Variants in SURF1 observed in about 807,000 individuals in gnomAD.
The protein encoded by SURF1 is surfeit locus protein 1.
Under a neutral mutation model 34.1 loss-of-function variants are expected in SURF1, and 45 were observed. The ratio of observed to expected loss-of-function variants is 1.32; its 90% confidence interval spans 1.04 to 1.69. The LOEUF is 1.69. Ranked by LOEUF, SURF1 falls within the 40% of genes most tolerant of loss-of-function variation. The pLI is 0.00. For synonymous variants in SURF1, 188 were observed against 147.5 expected, an observed-to-expected ratio of 1.27 and a Z score of -1.99; for missense variants, 456 against 384.6, an observed-to-expected ratio of 1.19 and a Z score of -1.55.
In SURF1 at chr9:133,352,680, T is replaced by G; in HGVS notation, c.588+14A>C. 6.2e-7 allele frequency: 1 copy of G among 1,613,616 alleles called. No individual in the cohort carries two copies. The highest frequency in any genetic ancestry group is 8.5e-7 in the Non-Finnish European group (1 of 1,179,876). Reference sequence around the variant, plus strand: ...AGAGCCTTCTCTAAAGTAGGAAGAGTCCATGTCCCTTACCTGGCCTTTCTG... The same window carrying G: ...AGAGCCTTCTCTAAAGTAGGAAGAGGCCATGTCCCTTACCTGGCCTTTCTG... On this transcript the variant is annotated intron_variant, in intron 6 of 8. Coordinates refer to ENST00000371974, the MANE Select transcript of SURF1 (RefSeq NM_003172.4).
Position 133,354,815 on chromosome 9 carries a change from G to A in SURF1, c.240+9C>T, listed in dbSNP as rs2130018887. 141 of 1,613,620 alleles carry A rather than the reference G, an allele frequency of 8.7e-5. No individual in the cohort carries two copies. Among genetic ancestry groups the A allele is most frequent in the South Asian group, 7.1e-4 (65 of 91,074 alleles). ...CCCAGAGTTACGCACACCAGATGCC[G>A]GTCTTTACCTGCCATGTCCCCAAGC... On this transcript the variant is annotated intron_variant, in intron 3 of 8. Transcript: ENST00000371974.
intron 4 of SURF1, 106 bp downstream of exon 4, chr9:133,354,553 C>T: frequency 7.6e-7 from 1 of 1,317,750 alleles, no homozygotes; most frequent in Non-Finnish European, 1.1e-6. Context: ...GAGGTCAAGG[C>T]AGTGACTAAA....
At chr9:133,354,264 T>C in intron 4 of SURF1, 1 of 499,788 alleles carries the variant, frequency 2.0e-6, no homozygotes, top group South Asian at 2.1e-5. Flanking sequence ...TGAATATACC[T>C]ATCTCTGTAG....
chr9:133,356,106 T>G lies in SURF1; in HGVS notation c.106+163A>C, dbSNP rs1001790829. ...TACATGCCCGGCACACGACCACAATTCCACTGAAAGCATTTTAATACGGAA... is the reference window on the plus strand; with the variant it reads ...TACATGCCCGGCACACGACCACAATGCCACTGAAAGCATTTTAATACGGAA... On this transcript the variant is annotated intron_variant, in intron 2 of 8. Transcript: ENST00000371974. The G allele has an allele frequency of 2.7e-5, 26 of 962,852 alleles. No individual in the cohort carries two copies. In the African/African-American group the frequency reaches 4.3e-4, roughly 16 times the overall value. 59.6% of individuals were successfully genotyped at this position (962,852 alleles called of 1,614,324 possible).
rs1360340726 is a variant in SURF1 at position 133,356,470 on chromosome 9, G to A, written c.-17C>T. On this transcript the variant is annotated 5_prime_UTR_variant, in exon 1 of 9. Transcript: ENST00000371974. ...CGCCGCCATCGCACCCGGCCCCGCG[G>A]GCGCTTCCGGGACGCAGGAAGCATC... 2.1e-6 allele frequency: 3 copies of A among 1,424,918 alleles called. No homozygotes were observed. Among genetic ancestry groups the A allele is most frequent in the Non-Finnish European group, 1.8e-6 (2 of 1,092,264 alleles). 88.3% of individuals were successfully genotyped at this position (1,424,918 alleles called of 1,614,324 possible).
rs1836533696 is a variant in SURF1 at position 133,354,971 on chromosome 9, CAACACTGACATGGAGCCAGAAGCCCTCG to C, written c.107-42_107-15del. On this transcript the variant is annotated splice_polypyrimidine_tract_variant and intron_variant, in intron 2 of 8. Transcript: ENST00000371974. ...TCCAGGCCACCCCTGGAGAGTTTCA[CAACACTGACATGGAGCCAGAAGCCCTCG>C]AACACAGACCTGGAGCAGCCCGTTC... The C allele has an allele frequency of 1.2e-6, 2 of 1,612,650 alleles. 1 individual carries two copies. The highest frequency in any genetic ancestry group is 2.2e-5 in the South Asian group (2 of 91,076).
chr9:133,352,533 G>C lies in SURF1; in HGVS notation c.664C>G (p.Pro222Ala). 1 of 1,614,184 alleles carries C rather than the reference G, an allele frequency of 6.2e-7. No individual in the cohort carries two copies. Residue 222 changes from proline (P) to alanine (A), a missense_variant, in exon 7 of 9, where the codon CCA becomes GCA. Coordinates refer to ENST00000371974, the MANE Select transcript of SURF1 (RefSeq NM_003172.4). ...TRQPFVPENN[P>A]ERNHWHYRDL... ...CGATAATGCCAGTGGTTCCTTTCTG[G>C]ATTGTTCTCAGGGACAAAAGGCTGC...
chr9:133,354,844 A>G lies in SURF1; in HGVS notation c.220T>C (p.Phe74Leu). The change falls in exon 3 of 9, where the codon TTT becomes CTT. Residue 74 changes from phenylalanine to leucine, a missense_variant. Physicochemically the swap from Phe to Leu is conservative, Grantham distance 22. Transcript: ENST00000371974. ...TTTACCTGCCATGTCCCCAAGCCAA[A>G]GGCAGTCACAGGGATGAGGAGCAGG... ...WVLLLIPVTA[F>L]GLGTWQVQRR... The G allele has an allele frequency of 1.2e-6, 2 of 1,614,018 alleles. No individual in the cohort carries two copies. Among genetic ancestry groups the G allele is most frequent in the Non-Finnish European group, 1.7e-6 (2 of 1,180,034 alleles).
chr9:133,351,877 G>A lies in SURF1; in HGVS notation c.*36C>T. On this transcript the variant is annotated 3_prime_UTR_variant, in exon 9 of 9. Transcript: ENST00000371974. ...AGCATAAAGGCAGTCTTGAAATACT[G>A]CATTATCCAGGGACAGGGCTTCAGC... 1 of 1,603,196 alleles carries A rather than the reference G, an allele frequency of 6.2e-7. No individual in the cohort carries two copies.
At chr9:133,353,665 G>T in intron 5 of SURF1, 84 bp downstream of exon 5, 1 of 1,536,468 alleles carries the variant, frequency 6.5e-7, no homozygotes. Context: ...ACCAAGGTTG[G>T]GGATTGTGAA....
chr9:133,355,075 A>G, intron 2 of SURF1, 118 bp from the exon 3 acceptor site: 1 of 1,341,366 alleles, frequency 7.5e-7, no homozygotes, highest in Non-Finnish European at 1.1e-6. Flanking sequence ...AGAGCCAACT[A>G]GCAGCACCTG....
At position 133,352,727 on chromosome 9, in the gene SURF1, C is replaced by G; in HGVS notation, c.555G>C (p.Lys185Asn). 1 of 1,613,160 alleles carries G rather than the reference C, an allele frequency of 6.2e-7. No individual in the cohort carries two copies. Among genetic ancestry groups the G allele is most frequent in the Non-Finnish European group, 8.5e-7 (1 of 1,179,772 alleles). Residue 185 changes from lysine (K) to asparagine (N), a missense_variant, in exon 6 of 9, where the codon AAG becomes AAC. Transcript: ENST00000371974. Reference sequence around the variant, plus strand: ...TCTGCCGGGTTTCAGGATTCACTTTCTTCCTGGGAACGAACCCTCTATTTA... The same window carrying G: ...TCTGCCGGGTTTCAGGATTCACTTTGTTCCTGGGAACGAACCCTCTATTTA... ...ILVNRGFVPR[K>N]KVNPETRQKG... is the part of the protein sequence containing the mutation.
chr9:133,352,421 C>A, intron 7 of SURF1, 25 bp downstream of exon 7: 1 of 1,614,156 alleles, frequency 6.2e-7, no homozygotes, highest in Non-Finnish European at 8.5e-7. Context: ...CTACTTGTTC[C>A]GAGATGGGCT....
intron 1 of SURF1, 22 bp downstream of exon 1, chr9:133,356,378 G>GCACCCCGCACCCCC: frequency 8.5e-7 from 1 of 1,174,440 alleles, no homozygotes; most frequent in Non-Finnish European, 1.1e-6. Context: ...CCCGCACCCC[G>GCACCCCGCACCCCC]CACCCCGCAC....
At chr9:133,356,078 C>T (rs192896233) in intron 2 of SURF1, 191 bp downstream of exon 2, 17 of 764,516 alleles carry the variant, frequency 2.2e-5, no homozygotes, top group Admixed American at 2.0e-4. Flanking sequence ...ACAAAGCGCT[C>T]GCTACATGCC....
intron 5 of SURF1, among the ~76,000 whole-genome samples, chr9:133,352,993 G>T (rs1022424500): frequency 6.6e-6 from 1 of 152,232 alleles, no homozygotes; most frequent in Non-Finnish European, 1.5e-5. Context: ...CTTTTTACCA[G>T]TGTGGCTTTC....
At chr9:133,353,011 A>C (rs2130011472) in intron 5 of SURF1, among the ~76,000 whole-genome samples, 5 of 152,036 alleles carry the variant, frequency 3.3e-5, no homozygotes, top group Non-Finnish European at 7.4e-5. Flanking sequence ...TTCCCCTTCT[A>C]TCTCTGCTTC....
At position 133,353,746 on chromosome 9, in the gene SURF1, C is replaced by T. The variant is rs2130014153; in HGVS notation, c.515+3G>A. 2 of 1,613,786 alleles carry T rather than the reference C, an allele frequency of 1.2e-6. No individual in the cohort carries two copies. Among genetic ancestry groups the T allele is most frequent in the South Asian group, 2.2e-5 (2 of 91,084 alleles). On this transcript the variant is annotated splice_donor_region_variant and intron_variant, in intron 5 of 8. Transcript: ENST00000371974. Reference sequence around the variant, plus strand: ...ACAGCCAGCTCCCACATGTCCTACTCACCCCAGGTCGGTGCAGTGGAAGGG... The same window carrying T: ...ACAGCCAGCTCCCACATGTCCTACTTACCCCAGGTCGGTGCAGTGGAAGGG...
intron 7 of SURF1, 91 bp downstream of exon 7, chr9:133,352,355 A>C: frequency 1.3e-6 from 2 of 1,594,030 alleles, no homozygotes; most frequent in South Asian, 2.2e-5. Context: ...TGAGAACATA[A>C]GCCACAGTAG....
Sources: allele counts gnomAD v4.1 joint callset (sites outside exome capture counted in the v4.1 genomes callset), GRCh38; gene constraint gnomAD v4.1.1; transcripts MANE v1.5; gene names NCBI Gene and HGNC (gene_info 2026-07-23, HGNC 2026-07-21).